ZNF423: variants seen among roughly 807,000 people sequenced by gnomAD.
ZNF423 encodes Ebf-associated zinc finger protein.
A neutral mutation model predicts 95.8 loss-of-function variants in ZNF423; 12 were observed. The observed-to-expected ratio is 0.13, with a 90% CI of 0.08 to 0.20. The LOEUF is 0.20. Ranked by LOEUF, ZNF423 falls within the 10% of genes least tolerant of loss-of-function variation. The pLI is 1.00. For synonymous variants in ZNF423, 749 were observed against 711.9 expected (o/e 1.05, Z -0.83); for missense variants, 1,316 against 1,737.1 (o/e 0.76, Z 4.31).
intron 2 of ZNF423, among the ~76,000 whole-genome samples, chr16:49,761,091 GC>G (rs1321333467): frequency 6.6e-6 from 1 of 151,938 alleles, no homozygotes; most frequent in African/African-American, 2.4e-5. Flanking sequence ...CTCTGAGAAG[GC>G]CCTTTGCCTC....
chr16:49,791,882 G>A (rs1597012857), intron 1 of ZNF423, among the ~76,000 whole-genome samples: 2 of 151,480 alleles, frequency 1.3e-5, no homozygotes, highest in East Asian at 3.9e-4. Flanking sequence ...CATGCCTGTA[G>A]TCTCAGCTAC....
chr16:49,581,581 C>T (rs1386780792), intron 5 of ZNF423, among the ~76,000 whole-genome samples: 1 of 152,116 alleles, frequency 6.6e-6, no homozygotes, highest in Admixed American at 6.5e-5. Context: ...TTCTTTGAAT[C>T]CTCCCAACAC....
intron 3 of ZNF423, among the ~76,000 whole-genome samples, chr16:49,656,100 A>G (rs2029875331): frequency 6.6e-6 from 1 of 151,376 alleles, no homozygotes; most frequent in Non-Finnish European, 1.5e-5. Flanking sequence ...AATCCTTCTG[A>G]CAGTGGTGCC....
At chr16:49,532,210 C>A (rs1274688761) in intron 5 of ZNF423, among the ~76,000 whole-genome samples, 1 of 152,154 alleles carries the variant, frequency 6.6e-6, no homozygotes, top group East Asian at 1.9e-4. Flanking sequence ...GCGAGTATAT[C>A]TTTGAAGAGG....
At chr16:49,705,213 C>T (rs2032311766) in intron 3 of ZNF423, among the ~76,000 whole-genome samples, 1 of 152,142 alleles carries the variant, frequency 6.6e-6, no homozygotes, top group Admixed American at 6.5e-5. Flanking sequence ...AGAGTCAAGG[C>T]CCCAGCCCTT....
chr16:49,685,025 G>C (rs1263103668), intron 3 of ZNF423, among the ~76,000 whole-genome samples: 1 of 152,170 alleles, frequency 6.6e-6, no homozygotes, highest in East Asian at 1.9e-4. Flanking sequence ...AGCCAGGCCA[G>C]CCAAGAGGGT....
intron 1 of ZNF423, among the ~76,000 whole-genome samples, chr16:49,848,499 C>A (rs1421516431): frequency 6.6e-6 from 1 of 151,670 alleles, no homozygotes; most frequent in Non-Finnish European, 1.5e-5. Flanking sequence ...GAAGCACAAG[C>A]ATAACCCAGG....
chr16:49,649,671 GGAGAGAGAGAGA>G (rs71134598), intron 3 of ZNF423, among the ~76,000 whole-genome samples: 1 of 148,060 alleles, frequency 6.8e-6, no homozygotes, highest in Non-Finnish European at 1.5e-5. Context: ...ACACACACAG[GGAGAGAGAGAGA>G]GAGAGAGAGA....
At chr16:49,755,200 G>A (rs1411317420) in intron 2 of ZNF423, among the ~76,000 whole-genome samples, 3 of 152,158 alleles carry the variant, frequency 2.0e-5, no homozygotes, top group African/African-American at 7.2e-5. Context: ...GAGGGGTCTC[G>A]GAGCCCCCAG....
intron 1 of ZNF423, chr16:49,854,910 G>C: frequency 1.0e-6 from 1 of 985,154 alleles, no homozygotes; most frequent in Non-Finnish European, 1.2e-6. Context: ...CCTGGGTGTC[G>C]AGGGTGCCGG....
chr16:49,607,524 G>C (rs1971578038), intron 5 of ZNF423, among the ~76,000 whole-genome samples: 1 of 152,148 alleles, frequency 6.6e-6, no homozygotes, highest in Non-Finnish European at 1.5e-5. Flanking sequence ...AGAGCTTCTT[G>C]ATTTCAATCA....
At chr16:49,722,673 T>C (rs377131547) in intron 3 of ZNF423, among the ~76,000 whole-genome samples, 23 of 152,320 alleles carry the variant, frequency 1.5e-4, no homozygotes, top group East Asian at 1.2e-3. Context: ...CATTTCCACT[T>C]TTCTTACTGC....
intron 3 of ZNF423, among the ~76,000 whole-genome samples, chr16:49,708,636 C>G (rs2032438787): frequency 6.6e-6 from 1 of 152,194 alleles, no homozygotes; most frequent in African/African-American, 2.4e-5. Context: ...AGGGACCCCT[C>G]CCCGACATCC....
intron 2 of ZNF423, among the ~76,000 whole-genome samples, chr16:49,735,239 G>T (rs2033257509): frequency 1.3e-5 from 2 of 152,062 alleles, no homozygotes; most frequent in African/African-American, 4.8e-5. Context: ...TCCCACTCCT[G>T]ATCTCCAGCA....
chr16:49,764,291 C>T (rs2033886580), intron 2 of ZNF423, among the ~76,000 whole-genome samples: 1 of 152,192 alleles, frequency 6.6e-6, no homozygotes, highest in Admixed American at 6.6e-5. Flanking sequence ...CTCACCCCAC[C>T]ATTCCTGAAC....
chr16:49,835,423 C>T (rs146914358), intron 1 of ZNF423, among the ~76,000 whole-genome samples: 6,903 of 152,324 alleles, frequency 0.045, 213 homozygotes, highest in Non-Finnish European at 0.065. Context: ...CCCGCAGAGG[C>T]GTTCCTGGGG....
chr16:49,562,434 G>C (rs1205692666), intron 5 of ZNF423, among the ~76,000 whole-genome samples: 1 of 152,244 alleles, frequency 6.6e-6, no homozygotes, highest in South Asian at 2.1e-4. Flanking sequence ...GCTTGGCGCA[G>C]TGCCTGGCCT....
chr16:49,644,513 T>TTTAA (rs10692617), intron 3 of ZNF423, among the ~76,000 whole-genome samples: 35,561 of 145,668 alleles, frequency 0.24, 4,681 homozygotes, highest in Admixed American at 0.26. Flanking sequence ...AAGAACAAAA[T>TTTAA]TTACACAGGC....
chr16:49,527,215 C>CA (rs1433582678), intron 5 of ZNF423, among the ~76,000 whole-genome samples: 86 of 152,334 alleles, frequency 5.6e-4, no homozygotes, highest in Non-Finnish European at 1.0e-3. Context: ...ACATAGCCCA[C>CA]TGGCTGGAAT....
Sources: allele counts gnomAD v4.1 joint callset (sites outside exome capture counted in the v4.1 genomes callset), GRCh38; gene constraint gnomAD v4.1.1; transcripts MANE v1.5; gene names NCBI Gene and HGNC (gene_info 2026-07-23, HGNC 2026-07-21).